The following CCSER1 variants were observed in gnomAD, a reference collection of about 807,000 sequenced individuals.
CCSER1 encodes the protein coiled-coil serine rich protein 1.
A neutral mutation model predicts 82.0 loss-of-function variants in CCSER1; 41 were observed. The ratio of observed to expected loss-of-function variants is 0.50; its 90% CI spans 0.39 to 0.65. The LOEUF (loss-of-function observed/expected upper bound fraction) is 0.65, where lower values mean the gene tolerates loss of function less well. Among genes scored for constraint, CCSER1 ranks in the 30% least tolerant of loss-of-function variants. The pLI is 0.00. For missense variants in CCSER1, 1,119 were observed against 1,064.2 expected (o/e 1.05, Z -0.72); for synonymous variants, 414 against 383.9 (o/e 1.08, Z -0.92).
intron 4 of CCSER1, among the ~76,000 whole-genome samples, chr4:90,408,895 G>A (rs1222596709): frequency 6.6e-6 from 1 of 152,166 alleles, no homozygotes; most frequent in Non-Finnish European, 1.5e-5. Context: ...CAAATTAGAT[G>A]AATGGATAAC....
chr4:91,146,932 C>A (rs2148942450), intron 10 of CCSER1, among the ~76,000 whole-genome samples: 1 of 152,302 alleles, frequency 6.6e-6, no homozygotes, highest in Middle Eastern at 3.4e-3. Flanking sequence ...GGAGAGGACT[C>A]CTTCACCAAG....
intron 7 of CCSER1, among the ~76,000 whole-genome samples, chr4:90,788,028 G>T (rs949769278): frequency 6.6e-6 from 1 of 152,014 alleles, no homozygotes; most frequent in African/African-American, 2.4e-5. Flanking sequence ...ACAGATAAGG[G>T]TACTTTATTT....
At chr4:91,260,568 G>A (rs1741031610) in intron 10 of CCSER1, among the ~76,000 whole-genome samples, 1 of 152,132 alleles carries the variant, frequency 6.6e-6, no homozygotes. Context: ...ACTACTGTGT[G>A]ATGGAAGATG....
intron 3 of CCSER1, among the ~76,000 whole-genome samples, chr4:90,361,356 T>C (rs1745335153): frequency 6.6e-6 from 1 of 152,226 alleles, no homozygotes; most frequent in African/African-American, 2.4e-5. Flanking sequence ...TTCCATTTGT[T>C]TTACAATATC....
At chr4:91,503,237 G>A (rs1759307338) in intron 10 of CCSER1, among the ~76,000 whole-genome samples, 1 of 151,696 alleles carries the variant, frequency 6.6e-6, no homozygotes, top group South Asian at 2.1e-4. Context: ...AGCTACTCGG[G>A]AGGCTGAGGC....
At chr4:91,179,900 T>G (rs544979871) in intron 10 of CCSER1, among the ~76,000 whole-genome samples, 1 of 152,360 alleles carries the variant, frequency 6.6e-6, no homozygotes, top group East Asian at 1.9e-4. Flanking sequence ...TTTTTAGAAT[T>G]TTCAGCTTTT....
intron 10 of CCSER1, among the ~76,000 whole-genome samples, chr4:91,185,841 C>A (rs1734486000): frequency 6.6e-6 from 1 of 152,164 alleles, no homozygotes; most frequent in Admixed American, 6.6e-5. Context: ...TGGAGTATTT[C>A]CTTTATCCAC....
At chr4:90,832,650 G>T (rs190269039) in intron 8 of CCSER1, among the ~76,000 whole-genome samples, 1 of 152,206 alleles carries the variant, frequency 6.6e-6, no homozygotes, top group Admixed American at 6.5e-5. Context: ...AAAATCTGCA[G>T]AAATTTTCCA....
intron 10 of CCSER1, among the ~76,000 whole-genome samples, chr4:91,570,107 C>T (rs917731845): frequency 2.6e-5 from 4 of 152,180 alleles, no homozygotes; most frequent in African/African-American, 9.7e-5. Flanking sequence ...GCAAAATGAT[C>T]TCCTTTGACT....
intron 3 of CCSER1, among the ~76,000 whole-genome samples, chr4:90,338,161 A>G (rs1020724312): frequency 6.6e-6 from 1 of 152,178 alleles, no homozygotes; most frequent in Non-Finnish European, 1.5e-5. Flanking sequence ...CATCTAAGAT[A>G]GTGGTTGTCC....
chr4:91,328,900 A>G lies in CCSER1; in HGVS notation c.2217+242906A>G, dbSNP rs184618267. On this transcript the variant is annotated intron_variant, in intron 10 of 10. Coordinates refer to ENST00000509176, the MANE Select transcript of CCSER1 (RefSeq NM_001145065.2). ...CCCCCTACTGTTCTCATGGTAGTGA[A>G]TAGGTCTCATGAGATCTGAGGGATT... 2.0e-5 allele frequency among the ~76,000 whole-genome samples: 3 copies of G among 152,158 alleles called. No individual in the cohort carries two copies. The East Asian group carries it at 5.8e-4, about 29-fold the overall frequency.
chr4:91,098,436 C>T (rs1188056511), intron 10 of CCSER1, among the ~76,000 whole-genome samples: 1 of 152,146 alleles, frequency 6.6e-6, no homozygotes, highest in Non-Finnish European at 1.5e-5. Context: ...ATTTCTCTTT[C>T]CATTTATAAC....
intron 7 of CCSER1, among the ~76,000 whole-genome samples, chr4:90,748,038 C>CTTTT (rs397972944): frequency 0.051 from 7,163 of 141,266 alleles, 406 homozygotes; most frequent in African/African-American, 0.14. Context: ...ACATTTTCTT[C>CTTTT]TTTTTTTTTT....
At chr4:91,169,346 C>A (rs1232290059) in intron 10 of CCSER1, among the ~76,000 whole-genome samples, 1 of 152,088 alleles carries the variant, frequency 6.6e-6, no homozygotes, top group African/African-American at 2.4e-5. Context: ...TTTGGCCAGG[C>A]ATGGTGTCTC....
chr4:91,215,235 AAAT>A lies in CCSER1; in HGVS notation c.2217+129245_2217+129247del, dbSNP rs1737148312. Reference sequence around the variant, plus strand: ...CTTAAGAGTAAGACTACTTTGAAAGAAATAATGATAGCTGATAAATAGTGTTTG... The same window carrying A: ...CTTAAGAGTAAGACTACTTTGAAAGAAATGATAGCTGATAAATAGTGTTTG... On this transcript the variant is annotated intron_variant, in intron 10 of 10. Transcript: ENST00000509176. 2.6e-5 allele frequency among the ~76,000 whole-genome samples: 4 copies of A among 152,214 alleles called. No individual in the cohort carries two copies. In the South Asian group the frequency reaches 8.3e-4, roughly 32 times the overall value.
intron 10 of CCSER1, chr4:91,319,692 T>A (rs2149263175): frequency 2.2e-6 from 1 of 455,890 alleles, no homozygotes. Flanking sequence ...CTTAGTCTTC[T>A]GATTTCCCTG....
At chr4:90,323,637 A>G (rs375930838) in intron 3 of CCSER1, among the ~76,000 whole-genome samples, 3 of 152,258 alleles carry the variant, frequency 2.0e-5, no homozygotes, top group East Asian at 3.9e-4. Context: ...GGTTTGGGCA[A>G]TGCAACAGTG....
chr4:91,132,700 T>C (rs1362992976), intron 10 of CCSER1, among the ~76,000 whole-genome samples: 2 of 152,210 alleles, frequency 1.3e-5, no homozygotes, highest in African/African-American at 2.4e-5. Context: ...TGGATGCTTA[T>C]TTTAAAACAG....
chr4:91,370,867 T>C (rs1749990713), intron 10 of CCSER1, among the ~76,000 whole-genome samples: 1 of 152,114 alleles, frequency 6.6e-6, no homozygotes, highest in Non-Finnish European at 1.5e-5. Context: ...ATTCAAATTA[T>C]ACTCTTTTAG....
Sources: allele counts gnomAD v4.1 joint callset (sites outside exome capture counted in the v4.1 genomes callset), GRCh38; gene constraint gnomAD v4.1.1; transcripts MANE v1.5; gene names NCBI Gene and HGNC (gene_info 2026-07-23, HGNC 2026-07-21).